Variants in DTNBP1 observed in about 807,000 individuals in gnomAD.
The protein encoded by DTNBP1 is dystrobrevin binding protein 1.
In DTNBP1, 35 loss-of-function variants were observed where a neutral mutation model predicts 42.8. The ratio of observed to expected loss-of-function variants is 0.82; its 90% CI spans 0.63 to 1.09. DTNBP1 has a LOEUF of 1.09. Among genes scored for constraint, DTNBP1 ranks in the 50% least tolerant of loss-of-function variants. DTNBP1 has a pLI of 0.00. For synonymous variants in DTNBP1, 171 were observed against 162.2 expected (o/e 1.05, Z -0.41); for missense variants, 457 against 424.2 (o/e 1.08, Z -0.68).
chr6:15,645,058 A>C (rs1463881325), intron 3 of DTNBP1, among the ~76,000 whole-genome samples: 2 of 152,038 alleles, frequency 1.3e-5, no homozygotes, highest in Non-Finnish European at 2.9e-5. Context: ...AAAAAAGAAA[A>C]GAGATTCAAA....
chr6:15,599,690 T>C (rs951499297), intron 6 of DTNBP1, among the ~76,000 whole-genome samples: 1 of 152,188 alleles, frequency 6.6e-6, no homozygotes, highest in African/African-American at 2.4e-5. Context: ...AACATAGCCC[T>C]GAAGACATGT....
chr6:15,641,998 T>C (rs542492242), intron 3 of DTNBP1, among the ~76,000 whole-genome samples: 20 of 152,216 alleles, frequency 1.3e-4, no homozygotes, highest in Non-Finnish European at 2.6e-4. Flanking sequence ...GCAGCAGTGT[T>C]CTCTCTGCCA....
intron 7 of DTNBP1, among the ~76,000 whole-genome samples, chr6:15,562,707 A>T (rs992395187): frequency 3.9e-5 from 6 of 152,108 alleles, no homozygotes; most frequent in Admixed American, 2.6e-4. Context: ...TAGCATAATC[A>T]CCCTTATTAC....
At chr6:15,568,729 A>T (rs1464135796) in intron 7 of DTNBP1, among the ~76,000 whole-genome samples, 1 of 151,948 alleles carries the variant, frequency 6.6e-6, no homozygotes, top group Non-Finnish European at 1.5e-5. Flanking sequence ...AGTAAATAAT[A>T]TTTTTTTGTC....
intron 1 of DTNBP1, 140 bp downstream of exon 1, chr6:15,662,674 T>C: frequency 1.6e-6 from 2 of 1,282,370 alleles, no homozygotes; most frequent in Non-Finnish European, 2.2e-6. Context: ...AGTTCGTTAC[T>C]TTCCTCGGCG....
chr6:15,524,745 G>A, intron 8 of DTNBP1, 76 bp from the exon 9 acceptor site: 1 of 1,576,728 alleles, frequency 6.3e-7, no homozygotes, highest in Non-Finnish European at 8.6e-7. Context: ...ATTGGCATTA[G>A]GCTAACTACA....
intron 8 of DTNBP1, among the ~76,000 whole-genome samples, chr6:15,531,181 C>A (rs757973078): frequency 2.6e-5 from 4 of 152,158 alleles, no homozygotes; most frequent in Non-Finnish European, 4.4e-5. Flanking sequence ...GGATCTGAGG[C>A]CTCCAGAACT....
chr6:15,655,725 T>C (rs1761243209), intron 1 of DTNBP1, among the ~76,000 whole-genome samples: 1 of 151,078 alleles, frequency 6.6e-6, no homozygotes, highest in Non-Finnish European at 1.5e-5. Flanking sequence ...TTCTTGATTG[T>C]TTCCAACTAT....
At chr6:15,590,788 C>T (rs1036044297) in intron 7 of DTNBP1, among the ~76,000 whole-genome samples, 10 of 152,114 alleles carry the variant, frequency 6.6e-5, no homozygotes, top group Admixed American at 1.3e-4. Flanking sequence ...ACTCATCAAC[C>T]TCAATGGAGT....
chr6:15,597,423 G>A (rs1776558553), intron 6 of DTNBP1, among the ~76,000 whole-genome samples: 1 of 152,124 alleles, frequency 6.6e-6, no homozygotes, highest in Admixed American at 6.5e-5. Flanking sequence ...CATACTCTCA[G>A]CTAACCAGAT....
chr6:15,626,974 T>C (rs1451876059), intron 5 of DTNBP1, among the ~76,000 whole-genome samples: 4 of 152,216 alleles, frequency 2.6e-5, no homozygotes, highest in African/African-American at 7.2e-5. Context: ...CTAGCATATC[T>C]AAATTTTAAA....
intron 1 of DTNBP1, among the ~76,000 whole-genome samples, chr6:15,653,232 T>C (rs1761113349): frequency 6.6e-6 from 1 of 152,220 alleles, no homozygotes; most frequent in African/African-American, 2.4e-5. Flanking sequence ...TTGTGATGAC[T>C]CAGGATCAGT....
chr6:15,585,647 G>A (rs1477791270), intron 7 of DTNBP1: 1 of 1,491,062 alleles, frequency 6.7e-7, no homozygotes. Flanking sequence ...ATACAGCAAT[G>A]TATCCAGGCA....
intron 7 of DTNBP1, among the ~76,000 whole-genome samples, chr6:15,538,053 G>A (rs1482723403): frequency 1.3e-5 from 2 of 152,164 alleles, no homozygotes; most frequent in African/African-American, 4.8e-5. Context: ...AGGTGGCTCT[G>A]AGACCTGCTC....
intron 7 of DTNBP1, among the ~76,000 whole-genome samples, chr6:15,544,001 A>T (rs1323045007): frequency 6.6e-6 from 1 of 152,178 alleles, no homozygotes; most frequent in Non-Finnish European, 1.5e-5. Context: ...CTTCTATAGA[A>T]GTAAATTGCC....
intron 7 of DTNBP1, among the ~76,000 whole-genome samples, chr6:15,565,363 C>T (rs1025696494): frequency 1.3e-5 from 2 of 152,192 alleles, no homozygotes; most frequent in Non-Finnish European, 2.9e-5. Context: ...AACATGTGCA[C>T]ACAAAGGCTT....
At chr6:15,557,109 C>T (rs968331663) in intron 7 of DTNBP1, among the ~76,000 whole-genome samples, 4 of 152,168 alleles carry the variant, frequency 2.6e-5, no homozygotes, top group Non-Finnish European at 5.9e-5. Context: ...AGGATTTTTA[C>T]CAAAAATAAA....
chr6:15,542,531 C>T (rs985083381), intron 7 of DTNBP1, among the ~76,000 whole-genome samples: 1 of 151,902 alleles, frequency 6.6e-6, no homozygotes, highest in Non-Finnish European at 1.5e-5. Context: ...GCCACCACAC[C>T]CAGCTAATTT....
intron 5 of DTNBP1, among the ~76,000 whole-genome samples, chr6:15,621,456 T>C (rs942802029): frequency 2.0e-5 from 3 of 152,242 alleles, no homozygotes; most frequent in African/African-American, 7.2e-5. Context: ...CTAGTCACTC[T>C]TTTGTTAATA....
Sources: gnomAD v4.1 joint callset for allele counts (sites outside exome capture counted in the v4.1 genomes callset) on GRCh38, gnomAD v4.1.1 for gene constraint, MANE v1.5 for transcripts, NCBI Gene and HGNC (gene_info 2026-07-23, HGNC 2026-07-21) for gene names.